The following RBFOX3 variants were observed in gnomAD, a reference collection of about 807,000 sequenced individuals.
RBFOX3 encodes the protein RNA binding fox-1 homolog 3.
Under a neutral mutation model 48.7 loss-of-function variants are expected in RBFOX3, and 17 were observed. The observed-to-expected ratio is 0.35, with a 90% CI of 0.24 to 0.52. RBFOX3 has a LOEUF of 0.52. Ranked by LOEUF, RBFOX3 falls within the 20% of genes least tolerant of loss-of-function variation. The probability of loss-of-function intolerance (pLI) is 0.94; values close to 1 mark genes in which losing one functional copy is unlikely to be tolerated. For missense variants in RBFOX3, 382 were observed against 497.5 expected, an observed-to-expected ratio of 0.77 and a Z score of 2.21; for synonymous variants, 212 against 209.5, an observed-to-expected ratio of 1.01 and a Z score of -0.10.
At position 79,361,094 on chromosome 17, in the gene RBFOX3, C is replaced by T. The variant is rs760266727; in HGVS notation, c.-174-53270G>A. On this transcript the variant is annotated intron_variant, in intron 2 of 14. Coordinates refer to ENST00000693108, the MANE Select transcript of RBFOX3 (RefSeq NM_001350451.2). The surrounding 1 kb of genome is among the most constrained non-coding windows in gnomAD (Gnocchi z 4.5). ...AAAGGAATAAATGGCCGAACCCCTCCTAAGTCAAGAAAGACACACATTTGG... is the reference window on the plus strand; with the variant it reads ...AAAGGAATAAATGGCCGAACCCCTCTTAAGTCAAGAAAGACACACATTTGG... Among the ~76,000 whole-genome samples, 1 of 152,124 alleles carries T rather than the reference C, an allele frequency of 6.6e-6. No individual in the cohort carries two copies. The highest frequency in any genetic ancestry group is 2.1e-4 in the South Asian group (1 of 4,826).
At chr17:79,192,915 G>A (rs2054812477) in intron 4 of RBFOX3, among the ~76,000 whole-genome samples, 1 of 152,216 alleles carries the variant, frequency 6.6e-6, no homozygotes, top group Non-Finnish European at 1.5e-5. Flanking sequence ...AGGAGATCCA[G>A]CTTTTGCCAT....
chr17:79,231,957 CG>C (rs1210620418), intron 4 of RBFOX3, among the ~76,000 whole-genome samples: 2 of 152,128 alleles, frequency 1.3e-5, no homozygotes, highest in African/African-American at 2.4e-5. Flanking sequence ...TCCACATGGC[CG>C]GGGAGGCCTC....
intron 2 of RBFOX3, among the ~76,000 whole-genome samples, chr17:79,448,883 G>C (rs2072902536): frequency 6.6e-6 from 1 of 152,158 alleles, no homozygotes; most frequent in South Asian, 2.1e-4. Context: ...CCCTCATGCA[G>C]GTTCCCTGAC....
At position 79,199,282 on chromosome 17, in the gene RBFOX3, C is replaced by T. The variant is rs939484802; in HGVS notation, c.-34+36484G>A. On this transcript the variant is annotated intron_variant, in intron 4 of 14. Transcript: ENST00000693108. This position sits in a 1 kb window ranked among gnomAD's most constrained non-coding sequence, Gnocchi z 5.1. ...GGCAGCACCACCCACCAGCCCCTTC[C>T]GGTGGACTTCACACCTGCACGGCAC... Among the ~76,000 whole-genome samples, 4 of 152,186 alleles carry T rather than the reference C, an allele frequency of 2.6e-5. No individual in the cohort carries two copies. Among genetic ancestry groups the T allele is most frequent in the South Asian group, 4.1e-4 (2 of 4,836 alleles).
rs1307784460 is a variant in RBFOX3, at chr17:79,112,904, C to CGGCGGGGGGGGGGG, written c.222+2589_222+2590insCCCCCCCCCCCGCC. Among the ~76,000 whole-genome samples the CGGCGGGGGGGGGGG allele has an allele frequency of 8.7e-4, 9 of 10,352 alleles. 1 individual carries two copies. The highest frequency in any genetic ancestry group is 1.2e-3 in the Non-Finnish European group (6 of 4,944). The allele number at this position is 10,352 out of a possible 152,430, so 6.8% of individuals were successfully genotyped here. ...GGTGCCAACCTGGGCAGCAGGCTCT[C>CGGCGGGGGGGGGGG]GGGGGGGGGGTGGGCTGGGTAGGAC... On this transcript the variant is annotated intron_variant, in intron 5 of 14. Transcript: ENST00000693108.
chr17:79,128,922 C>A (rs1253189910), intron 4 of RBFOX3, among the ~76,000 whole-genome samples: 1 of 152,194 alleles, frequency 6.6e-6, no homozygotes, highest in Non-Finnish European at 1.5e-5. Context: ...ATGCCTCAGG[C>A]CAGAGTGAGG....
chr17:79,115,686 G>T lies in RBFOX3; in HGVS notation c.30C>A (p.Tyr10Ter). The change falls in exon 5 of 15, where the codon TAC becomes TAA. Residue 10 changes from tyrosine to a stop codon, truncating the protein, a stop_gained. Coordinates refer to ENST00000693108, the MANE Select transcript of RBFOX3 (RefSeq NM_001350451.2). LOFTEE classifies it high-confidence loss of function. ...GGATGCCGTTCTGTGGCGGAGGGGG[G>T]TACTGGGCGGGGGGGTAGGGCTGGG... MAQPYPPAQ[Y>*]PPPPQNGIPA... 2.4e-6 allele frequency: 1 copy of T among 418,214 alleles called. No homozygotes were observed. The highest frequency in any genetic ancestry group is 4.2e-6 in the Non-Finnish European group (1 of 238,726). The allele number at this position is 418,214 out of a possible 1,614,324, so 25.9% of individuals were successfully genotyped here.
rs767321956 is a variant in RBFOX3 at position 79,256,791 on chromosome 17, G to A, written c.-73-20986C>T. Among the ~76,000 whole-genome samples, 54 of 152,004 alleles carry A rather than the reference G, an allele frequency of 3.6e-4. 1 individual carries two copies. The highest frequency in any genetic ancestry group is 1.1e-3 in the Admixed American group (17 of 15,250). On this transcript the variant is annotated intron_variant, in intron 3 of 14. Coordinates refer to ENST00000693108, the MANE Select transcript of RBFOX3 (RefSeq NM_001350451.2). ...AAATTAGCCGGGCATGGTGGCGCAC[G>A]CACCTGAAATCCTATCTACTCGTGG...
At chr17:79,579,305 G>A (rs933807593) in intron 1 of RBFOX3, among the ~76,000 whole-genome samples, 6 of 151,598 alleles carry the variant, frequency 4.0e-5, no homozygotes, top group African/African-American at 9.7e-5. Flanking sequence ...CTCTGCTGCC[G>A]GCCGCTGGCC....
At chr17:79,183,910 T>C (rs868105023) in intron 4 of RBFOX3, among the ~76,000 whole-genome samples, 111 of 151,192 alleles carry the variant, frequency 7.3e-4, no homozygotes, top group Admixed American at 1.2e-3. Flanking sequence ...GCGCCCCTCC[T>C]CCCCCCCGTT....
At chr17:79,521,794 AAC>A (rs1301351337) in intron 1 of RBFOX3, among the ~76,000 whole-genome samples, 1 of 152,220 alleles carries the variant, frequency 6.6e-6, no homozygotes, top group Non-Finnish European at 1.5e-5. Flanking sequence ...GACACACAAA[AAC>A]ACACAGTCAC....
At chr17:79,567,767 G>A (rs1407134155) in intron 1 of RBFOX3, among the ~76,000 whole-genome samples, 3 of 152,252 alleles carry the variant, frequency 2.0e-5, no homozygotes, top group Non-Finnish European at 4.4e-5. Context: ...GCAGGGAAGA[G>A]CGATCTTTAA....
chr17:79,520,573 C>G (rs2085916141), intron 1 of RBFOX3, among the ~76,000 whole-genome samples: 2 of 152,242 alleles, frequency 1.3e-5, no homozygotes, highest in African/African-American at 4.8e-5. Context: ...AGCCGTCTCC[C>G]TCTGCTCTGC....
chr17:79,400,569 C>T lies in RBFOX3; in HGVS notation c.-175+81885G>A, dbSNP rs117228513. ...CTTATCTTAGAGAGACACAGTTCACCCATAACACCCACCTCACAAGGTGTT... is the reference window on the plus strand; with the variant it reads ...CTTATCTTAGAGAGACACAGTTCACTCATAACACCCACCTCACAAGGTGTT... On this transcript the variant is annotated intron_variant, in intron 2 of 14. Transcript: ENST00000693108. Among the ~76,000 whole-genome samples the T allele has an allele frequency of 1.9e-3, 297 of 152,320 alleles. 1 individual carries two copies. Among genetic ancestry groups the T allele is most frequent in the Non-Finnish European group, 3.4e-3 (229 of 68,028 alleles).
intron 2 of RBFOX3, among the ~76,000 whole-genome samples, chr17:79,447,158 A>ATTT (rs1231842987): frequency 6.6e-6 from 1 of 152,226 alleles, no homozygotes; most frequent in Non-Finnish European, 1.5e-5. Context: ...GGCAGTAAAC[A>ATTT]TTTCAAACAG....
At position 79,297,429 on chromosome 17, in the gene RBFOX3, A is replaced by C. The variant is rs147520547; in HGVS notation, c.-74+10295T>G. On this transcript the variant is annotated intron_variant, in intron 3 of 14. Coordinates refer to ENST00000693108, the MANE Select transcript of RBFOX3 (RefSeq NM_001350451.2). ...CCAAGGGTAACTAGTAGAGCAGGTG[A>C]GATTCATCTCTCCCTGGTGACATGG... Among the ~76,000 whole-genome samples, 796 of 152,152 alleles carry C rather than the reference A, an allele frequency of 5.2e-3. 10 individuals carry two copies. The highest frequency in any genetic ancestry group is 0.018 in the African/African-American group (765 of 41,494).
At chr17:79,218,226 G>A (rs531171630) in intron 4 of RBFOX3, among the ~76,000 whole-genome samples, 2 of 152,174 alleles carry the variant, frequency 1.3e-5, no homozygotes, top group Admixed American at 6.5e-5. Context: ...GTCCTGGTGG[G>A]GTTCGGACTT....
rs114386103 is a variant in RBFOX3 at position 79,355,849 on chromosome 17, A to G, written c.-174-48025T>C. Among the ~76,000 whole-genome samples, 378 of 152,318 alleles carry G rather than the reference A, an allele frequency of 2.5e-3. 1 individual carries two copies. The highest frequency in any genetic ancestry group is 8.6e-3 in the African/African-American group (359 of 41,566). On this transcript the variant is annotated intron_variant, in intron 2 of 14. Transcript: ENST00000693108. ...ACCTGCCTTAGCTTCCCAAAGTGCT[A>G]GAATTACAGACGTGAACCACCGTGC...
intron 4 of RBFOX3, among the ~76,000 whole-genome samples, chr17:79,203,983 A>G (rs1039510703): frequency 3.9e-5 from 6 of 152,008 alleles, no homozygotes; most frequent in Non-Finnish European, 8.8e-5. Flanking sequence ...AGAACTTTGC[A>G]CCCCTAAATT....
Sources: gnomAD v4.1 joint callset for allele counts (sites outside exome capture counted in the v4.1 genomes callset) on GRCh38, gnomAD v4.1.1 for gene constraint, Gnocchi (gnomAD v3.1) non-coding constraint, MANE v1.5 for transcripts, NCBI Gene and HGNC (gene_info 2026-07-23, HGNC 2026-07-21) for gene names.